The following MALT1 variants were observed in gnomAD, a reference collection of about 807,000 sequenced individuals.
The protein encoded by MALT1 is mucosa-associated lymphoid tissue lymphoma translocation protein 1.
In MALT1, 36 loss-of-function variants were observed where a neutral mutation model predicts 85.5. The ratio of observed to expected loss-of-function variants is 0.42; its 90% CI spans 0.32 to 0.56. The LOEUF is 0.56. Among genes scored for constraint, MALT1 ranks in the 20% least tolerant of loss-of-function variants. The probability of loss-of-function intolerance (pLI) is 0.10; values close to 1 mark genes in which losing one functional copy is unlikely to be tolerated. For synonymous variants in MALT1, 359 were observed against 361.3 expected, an observed-to-expected ratio of 0.99 and a Z score of 0.07; for missense variants, 716 against 981.6, an observed-to-expected ratio of 0.73 and a Z score of 3.62.
intron 13 of MALT1, chr18:58,741,617 A>G: frequency 3.6e-6 from 1 of 281,394 alleles, no homozygotes; most frequent in Non-Finnish European, 6.6e-6. Flanking sequence ...AGACATACAT[A>G]GAACATTTTT....
chr18:58,745,437 C>A (rs1356084444), intron 15 of MALT1, among the ~76,000 whole-genome samples: 1 of 152,116 alleles, frequency 6.6e-6, no homozygotes, highest in African/African-American at 2.4e-5. Context: ...GAAGCTCTTT[C>A]AGAGCTCACT....
chr18:58,726,346 G>GT (rs2144433818), intron 10 of MALT1, among the ~76,000 whole-genome samples: 1 of 152,306 alleles, frequency 6.6e-6, no homozygotes, highest in African/African-American at 2.4e-5. Context: ...AAGTGTGGTA[G>GT]AGGCTTGAGG....
intron 10 of MALT1, among the ~76,000 whole-genome samples, chr18:58,723,798 A>G (rs1221504597): frequency 1.3e-5 from 2 of 152,226 alleles, no homozygotes; most frequent in African/African-American, 4.8e-5. Flanking sequence ...ATGTACCTCT[A>G]CAAAAATTCT....
chr18:58,752,345 C>T lies in MALT1; in HGVS notation c.*4503C>T, dbSNP rs1464976201. 1 of 152,074 alleles carries T rather than the reference C, an allele frequency of 6.6e-6. No homozygotes were observed. Among genetic ancestry groups the T allele is most frequent in the Non-Finnish European group, 1.5e-5 (1 of 68,026 alleles). 9.4% of individuals were successfully genotyped at this position (152,074 alleles called of 1,614,324 possible). ...ACAGACGTCCTGACAATGTTGTTTC[C>T]TATTCCTTGAACATTCACCTGACGC... is the stretch of plus-strand genomic sequence containing the variant. On this transcript the variant is annotated 3_prime_UTR_variant, in exon 17 of 17. Transcript: ENST00000649217.
intron 2 of MALT1, among the ~76,000 whole-genome samples, chr18:58,684,229 G>A (rs907493159): frequency 2.1e-4 from 31 of 150,830 alleles, no homozygotes; most frequent in Admixed American, 1.7e-3. Context: ...CCACCGCCCT[G>A]TTTCTGTGTT....
rs2144497332 is a variant in MALT1 at position 58,748,665 on chromosome 18, A to AAT, written c.*826_*827dup. 1 of 192,204 alleles carries AAT rather than the reference A, an allele frequency of 5.2e-6. No homozygotes were observed. 11.9% of individuals were successfully genotyped at this position (192,204 alleles called of 1,614,324 possible). A position where few individuals can be genotyped will look rare whatever the true frequency, so the allele number is the denominator to read the frequency against. On this transcript the variant is annotated 3_prime_UTR_variant, in exon 17 of 17. Transcript: ENST00000649217. The stretch of plus-strand genomic sequence containing the variant: ...CCAAATATTTAGCATCTTCCTTGAT[A>AAT]ATATGTATTTTCTTCTTGAATTTCA...
At chr18:58,688,541 A>C (rs1188993517) in intron 2 of MALT1, among the ~76,000 whole-genome samples, 16 of 105,532 alleles carry the variant, frequency 1.5e-4, no homozygotes, top group African/African-American at 9.7e-4. Flanking sequence ...TTCTACAAAA[A>C]AAAAAAAAAA....
chr18:58,727,628 G>GTTTTTTTTTTTTT (rs74183292), intron 10 of MALT1, among the ~76,000 whole-genome samples: 8 of 130,642 alleles, frequency 6.1e-5, no homozygotes, highest in African/African-American at 2.4e-4. Flanking sequence ...TTTTTTTTTT[G>GTTTTTTTTTTTTT]TTTTTTTTTT....
In MALT1 at chr18:58,735,368, G is replaced by A. The variant is rs372428327; in HGVS notation, c.1603+39G>A. On this transcript the variant is annotated intron_variant, in intron 13 of 16. Transcript: ENST00000649217. Reference sequence around the variant, plus strand: ...TAAAGAGAAAAGTACTCAGAAAAAGGAGAGCAGGGGAGACACACCTATTCA... The same window carrying A: ...TAAAGAGAAAAGTACTCAGAAAAAGAAGAGCAGGGGAGACACACCTATTCA... The A allele has an allele frequency of 2.4e-4, 375 of 1,563,328 alleles. 1 individual carries two copies. The highest frequency in any genetic ancestry group is 3.1e-4 in the Non-Finnish European group (363 of 1,166,390).
chr18:58,672,653 A>G (rs1682799213), intron 1 of MALT1: 1 of 152,240 alleles, frequency 6.6e-6, no homozygotes, highest in South Asian at 2.1e-4. Flanking sequence ...AGAATAACCC[A>G]TTATATGGTA....
At chr18:58,675,618 G>A (rs559034498) in intron 1 of MALT1, among the ~76,000 whole-genome samples, 23 of 152,268 alleles carry the variant, frequency 1.5e-4, no homozygotes, top group Non-Finnish European at 2.1e-4. Context: ...AATTAATATG[G>A]ACAAGACAGA....
At chr18:58,734,439 T>C in intron 12 of MALT1, 58 bp downstream of exon 12, 1 of 1,460,004 alleles carries the variant, frequency 6.8e-7, no homozygotes, top group Non-Finnish European at 9.6e-7. Flanking sequence ...TCTTTTTGTT[T>C]TTGCTTTTTA....
chr18:58,747,486 G>T lies in MALT1; in HGVS notation c.2119G>T (p.Val707Phe), dbSNP rs1568159112. The change falls in exon 17 of 17, where the codon GTT becomes TTT. Residue 707 changes from valine to phenylalanine, a missense_variant. Transcript: ENST00000649217. Reference protein sequence around the residue: ...DTVEDKQEVNVGKPLIAKLDM... With the variant: ...DTVEDKQEVNFGKPLIAKLDM... ...TGTAGAGGACAAGCAGGAAGTGAAT[G>T]TTGGGAAACCTCTCATTGCTAAATT... The T allele has an allele frequency of 6.2e-7, 1 of 1,613,950 alleles. No individual in the cohort carries two copies. The highest frequency in any genetic ancestry group is 8.5e-7 in the Non-Finnish European group (1 of 1,179,816).
intron 13 of MALT1, among the ~76,000 whole-genome samples, chr18:58,741,030 A>G (rs1015164904): frequency 1.3e-5 from 2 of 152,100 alleles, no homozygotes; most frequent in Non-Finnish European, 2.9e-5. Flanking sequence ...AGCCACACCA[A>G]CTTCCTTTTT....
At chr18:58,742,752 G>A (rs1047924599) in intron 14 of MALT1, among the ~76,000 whole-genome samples, 1 of 152,084 alleles carries the variant, frequency 6.6e-6, no homozygotes, top group African/African-American at 2.4e-5. Flanking sequence ...TAGGTTATTG[G>A]GATTGAATGA....
At chr18:58,728,469 G>T (rs1424303163) in intron 10 of MALT1, among the ~76,000 whole-genome samples, 2 of 152,030 alleles carry the variant, frequency 1.3e-5, no homozygotes, top group African/African-American at 4.8e-5. Flanking sequence ...GCCAGGCATG[G>T]TGGCACATGC....
At chr18:58,701,105 CCTT>C (rs927670443) in intron 4 of MALT1, among the ~76,000 whole-genome samples, 7 of 151,344 alleles carry the variant, frequency 4.6e-5, no homozygotes, top group South Asian at 2.1e-4. Context: ...CTTTAATTGT[CCTT>C]CTGTGTGTGT....
intron 10 of MALT1, among the ~76,000 whole-genome samples, chr18:58,724,422 A>G (rs2055025779): frequency 6.6e-6 from 1 of 152,234 alleles, no homozygotes; most frequent in Admixed American, 6.5e-5. Flanking sequence ...AACTTTATTT[A>G]TAACTCTTAT....
intron 13 of MALT1, among the ~76,000 whole-genome samples, chr18:58,736,347 A>C (rs1207379988): frequency 6.6e-6 from 1 of 151,000 alleles, no homozygotes; most frequent in Non-Finnish European, 1.5e-5. Flanking sequence ...ACTTCCTGCC[A>C]CCCTCCCGCT....
Sources: allele counts gnomAD v4.1 joint callset (sites outside exome capture counted in the v4.1 genomes callset), GRCh38; gene constraint gnomAD v4.1.1; transcripts MANE v1.5; gene names NCBI Gene and HGNC (gene_info 2026-07-23, HGNC 2026-07-21).